SP3: variants seen among roughly 807,000 people sequenced by gnomAD.
SP3 encodes the protein transcription factor Sp3.
SP3 carries 10 observed loss-of-function variants against 70.3 expected under a neutral mutation model. That is an observed-to-expected ratio of 0.14 (90% confidence interval 0.09 to 0.24). The LOEUF is 0.24. SP3 is among the 10% of genes least tolerant of loss of function. SP3 has a pLI of 1.00. For synonymous variants in SP3, 402 were observed against 333.5 expected (o/e 1.21, Z -2.24); for missense variants, 825 against 914.6 (o/e 0.90, Z 1.26).
chr2:173,946,616 G>A (rs575546190), intron 4 of SP3, among the ~76,000 whole-genome samples: 40 of 151,646 alleles, frequency 2.6e-4, no homozygotes, highest in African/African-American at 9.7e-4. Flanking sequence ...TTGAATAGTA[G>A]TTTAATTGCC....
chr2:173,919,243 A>G (rs1023331931), intron 4 of SP3, among the ~76,000 whole-genome samples: 1 of 152,200 alleles, frequency 6.6e-6, no homozygotes, highest in Non-Finnish European at 1.5e-5. Flanking sequence ...GTGCTCACTA[A>G]AGACAATAAA....
At chr2:173,936,801 CT>C (rs139549496) in intron 4 of SP3, among the ~76,000 whole-genome samples, 29,915 of 146,844 alleles carry the variant, frequency 0.2, 3,100 homozygotes, top group Middle Eastern at 0.28. Context: ...CTATTCTTAC[CT>C]TTTTTTTTTT....
In SP3 at chr2:173,901,811, C is replaced by T. The variant is rs1689195516; in HGVS notation, c.*8130G>A. 6.7e-6 allele frequency among the ~76,000 whole-genome samples: 1 copy of T among 149,396 alleles called. No individual in the cohort carries two copies. The highest frequency in any genetic ancestry group is 2.0e-4 in the East Asian group (1 of 5,052). On this transcript the variant is annotated 3_prime_UTR_variant, in exon 7 of 7. Coordinates refer to ENST00000310015, the MANE Select transcript of SP3 (RefSeq NM_003111.5). Reference sequence around the variant, plus strand: ...ATGCCTCCTGCGTTCAAGCGATTCTCGTGCCTCAGCCTCCCGAGTAGCTGG... The same window carrying T: ...ATGCCTCCTGCGTTCAAGCGATTCTTGTGCCTCAGCCTCCCGAGTAGCTGG...
At chr2:173,911,324 C>T (rs1342826003) in intron 6 of SP3, among the ~76,000 whole-genome samples, 1 of 152,192 alleles carries the variant, frequency 6.6e-6, no homozygotes, top group Non-Finnish European at 1.5e-5. Flanking sequence ...CTCAATCCTA[C>T]TTAACAGAAA....
chr2:173,910,278 T>C (rs762550108), intron 6 of SP3, 21 bp from the exon 7 acceptor site: 1 of 1,607,014 alleles, frequency 6.2e-7, no homozygotes, highest in African/African-American at 1.3e-5. Context: ...AAAAATTAAG[T>C]TACTTGGTTT....
At chr2:173,925,340 G>C (rs1425355876) in intron 4 of SP3, among the ~76,000 whole-genome samples, 1 of 152,198 alleles carries the variant, frequency 6.6e-6, no homozygotes, top group Non-Finnish European at 1.5e-5. Context: ...AGACAGCTAT[G>C]ATTCCATGAA....
At chr2:173,925,123 G>A (rs757927900) in intron 4 of SP3, among the ~76,000 whole-genome samples, 5 of 152,154 alleles carry the variant, frequency 3.3e-5, no homozygotes, top group Non-Finnish European at 5.9e-5. Context: ...CCTGACCTCA[G>A]GTGATCCGCC....
Position 173,904,357 on chromosome 2 carries a change from C to T in SP3, c.*5584G>A, listed in dbSNP as rs1438516866. On this transcript the variant is annotated 3_prime_UTR_variant, in exon 7 of 7. Transcript: ENST00000310015. ...GTGTTTTACGAGAGAATATACTGTACCTCAGTTGTCTTAGTTGGCATTATT... is the reference window on the plus strand; with the variant it reads ...GTGTTTTACGAGAGAATATACTGTATCTCAGTTGTCTTAGTTGGCATTATT... Among the ~76,000 whole-genome samples, 1 of 152,106 alleles carries T rather than the reference C, an allele frequency of 6.6e-6. No homozygotes were observed. The highest frequency in any genetic ancestry group is 1.5e-5 in the Non-Finnish European group (1 of 68,010).
rs1414809385 is a variant in SP3 at position 173,918,760 on chromosome 2, A to T, written c.1665T>A (p.Pro555=). ...PADIRIKEEE[P]DPEEWQLSGD... ...CACTGAGCTGCCACTCTTCAGGATC[A>T]GGTTCTTCTTCCTTGATCCTAATAT... The change falls in exon 5 of 7, where the codon CCT becomes CCA. Residue 555 remains proline, a synonymous_variant. Transcript: ENST00000310015. The T allele has an allele frequency of 2.5e-6, 4 of 1,612,722 alleles. No homozygotes were observed. Among genetic ancestry groups the T allele is most frequent in the Non-Finnish European group, 3.4e-6 (4 of 1,179,346 alleles).
At chr2:173,953,247 A>G (rs1413084888) in intron 4 of SP3, among the ~76,000 whole-genome samples, 2 of 152,254 alleles carry the variant, frequency 1.3e-5, no homozygotes, top group African/African-American at 4.8e-5. Flanking sequence ...ATGCTAAGAC[A>G]CAAGCAGTTT....
At chr2:173,935,135 G>A (rs570388666) in intron 4 of SP3, among the ~76,000 whole-genome samples, 153 of 152,202 alleles carry the variant, frequency 1.0e-3, no homozygotes, top group Non-Finnish European at 1.8e-3. Context: ...ATTGGAGGCC[G>A]AGGCGGGAGA....
Position 173,908,614 on chromosome 2 carries a change from G to C in SP3, c.*1327C>G, listed in dbSNP as rs1219210671. The C allele has an allele frequency of 6.6e-6, 1 of 152,360 alleles. No individual in the cohort carries two copies. Among genetic ancestry groups the C allele is most frequent in the Admixed American group, 6.6e-5 (1 of 15,258 alleles). The allele number at this position is 152,360 out of a possible 1,614,324, so 9.4% of individuals were successfully genotyped here. ...GTACAATAAGGTAGCCTTTAAATTT[G>C]AGGTGGTCTTAAGAATAACAAATGA... On this transcript the variant is annotated 3_prime_UTR_variant, in exon 7 of 7. Transcript: ENST00000310015.
At chr2:173,953,618 G>A (rs1357510743) in intron 4 of SP3, among the ~76,000 whole-genome samples, 5 of 151,990 alleles carry the variant, frequency 3.3e-5, no homozygotes, top group South Asian at 2.1e-4. Flanking sequence ...GTGGTGGTGT[G>A]CACCTGTAAT....
rs540274040 is a variant in SP3 at position 173,904,108 on chromosome 2, G to A, written c.*5833C>T. Among the ~76,000 whole-genome samples the A allele has an allele frequency of 6.6e-6, 1 of 152,178 alleles. No homozygotes were observed. Among genetic ancestry groups the A allele is most frequent in the African/African-American group, 2.4e-5 (1 of 41,514 alleles). ...CCCTCGCATGCGGGGTTCACAACGGGGTTCGCACTCCTATGAGAATCTAAT... is the reference window on the plus strand; with the variant it reads ...CCCTCGCATGCGGGGTTCACAACGGAGTTCGCACTCCTATGAGAATCTAAT... On this transcript the variant is annotated 3_prime_UTR_variant, in exon 7 of 7. Transcript: ENST00000310015.
At position 173,936,020 on chromosome 2, in the gene SP3, C is replaced by T. The variant is rs527688240; in HGVS notation, c.1640-17235G>A. ...GTTTAAATAAAGTAGCCCCTTTTAC[C>T]TTTTTTGTTTTTTTGGTTTTCTTTT... On this transcript the variant is annotated intron_variant, in intron 4 of 6. Transcript: ENST00000310015. Among the ~76,000 whole-genome samples the T allele has an allele frequency of 7.9e-5, 12 of 151,924 alleles. No individual in the cohort carries two copies. In the South Asian group the frequency reaches 2.3e-3, roughly 29 times the overall value.
chr2:173,955,284 C>A lies in SP3; in HGVS notation c.1228G>T (p.Ala410Ser), dbSNP rs1690842845. 6.2e-7 allele frequency: 1 copy of A among 1,614,050 alleles called. No homozygotes were observed. ...GGTGTAATACCTTGCACAATTTGGG[C>A]TTGACTGGTTGGCTGCTGAGACTCT... ...LQESQQPTSQ[A>S]QIVQGITPQT... The change falls in exon 4 of 7, where the codon GCC becomes TCC. Residue 410 changes from alanine (A) to serine (S), a missense_variant. Ala to Ser is a moderately conservative substitution (Grantham distance 99). This residue lies in a region of SP3 where 678 missense variants were observed against 651.6 expected (regional missense o/e 1.04). Transcript: ENST00000310015.
At chr2:173,951,678 T>C (rs1009727280) in intron 4 of SP3, among the ~76,000 whole-genome samples, 3 of 152,186 alleles carry the variant, frequency 2.0e-5, no homozygotes, top group African/African-American at 7.2e-5. Flanking sequence ...TTCAGCCAAT[T>C]GTGGGTTTTC....
chr2:173,953,209 T>A (rs1010237361), intron 4 of SP3, among the ~76,000 whole-genome samples: 2 of 152,264 alleles, frequency 1.3e-5, no homozygotes, highest in African/African-American at 4.8e-5. Context: ...GCAACAACTA[T>A]TACAGTTTGC....
At chr2:173,952,498 T>C (rs945060250) in intron 4 of SP3, among the ~76,000 whole-genome samples, 1 of 152,138 alleles carries the variant, frequency 6.6e-6, no homozygotes, top group African/African-American at 2.4e-5. Flanking sequence ...TGTAAAACGG[T>C]ATGGTCTCTT....
Sources: allele counts gnomAD v4.1 joint callset (sites outside exome capture counted in the v4.1 genomes callset), GRCh38; gene constraint gnomAD v4.1.1; regional missense constraint gnomAD v4.1.1; transcripts MANE v1.5; gene names NCBI Gene and HGNC (gene_info 2026-07-23, HGNC 2026-07-21).